Variants in DNHD1 observed in about 807,000 individuals in gnomAD.
DNHD1 encodes dynein heavy chain domain-containing protein 1.
Under a neutral mutation model 458.1 loss-of-function variants are expected in DNHD1, and 383 were observed. The observed-to-expected ratio is 0.84, with a 90% CI of 0.77 to 0.91. The LOEUF (loss-of-function observed/expected upper bound fraction) is 0.91. Ranked by LOEUF, DNHD1 falls within the 40% of genes least tolerant of loss-of-function variation. DNHD1 has a pLI of 0.00. For missense variants in DNHD1, 5,336 were observed against 5,866.1 expected (o/e 0.91, Z 2.95); for synonymous variants, 2,203 against 2,376.9 (o/e 0.93, Z 2.13).
At chr11:6,510,218 G>A (rs2134377412) in intron 6 of DNHD1, among the ~76,000 whole-genome samples, 1 of 151,952 alleles carries the variant, frequency 6.6e-6, no homozygotes, top group African/African-American at 2.4e-5. Context: ...TGAGTAGCTG[G>A]GATTACAGGC....
At chr11:6,516,041 C>T (rs2134387767) in intron 7 of DNHD1, among the ~76,000 whole-genome samples, 1 of 151,932 alleles carries the variant, frequency 6.6e-6, no homozygotes, top group Middle Eastern at 3.4e-3. Context: ...CCCACCTCGC[C>T]CTCCCAAAGT....
Position 6,548,232 on chromosome 11 carries a change from T to C in DNHD1, c.6928T>C (p.Phe2310Leu). The change falls in exon 23 of 43, where the codon TTC becomes CTC. Residue 2310 changes from phenylalanine (F) to leucine (L), a missense_variant. Physicochemically the swap from Phe to Leu is conservative, Grantham distance 22. Around this residue, in one of 4 missense-constraint regions of DNHD1, gnomAD observed 3,932 missense variants for 4,365.6 expected, o/e 0.90. Transcript: ENST00000254579. This position sits in a 1 kb window ranked among gnomAD's most constrained non-coding sequence, Gnocchi z 4.4. ...CAGGTTCTGGCCCATCTTTGATACC[T>C]TCATAAGGGATTCTATTAGTCGCCT... ...PSRFWPIFDT[F>L]IRDSISRLSN... 1 of 1,551,720 alleles carries C rather than the reference T, an allele frequency of 6.4e-7. No individual in the cohort carries two copies. The highest frequency in any genetic ancestry group is 8.7e-7 in the Non-Finnish European group (1 of 1,146,982).
At position 6,564,439 on chromosome 11, in the gene DNHD1, A is replaced by G; in HGVS notation, c.10391A>G (p.Asp3464Gly). Residue 3464 changes from aspartate (D) to glycine (G), a missense_variant, in exon 32 of 43, where the codon GAC (aspartate) becomes GGC (glycine). By Grantham distance (94) the Asp-to-Gly change is moderately conservative (BLOSUM62 -1). This residue lies in a region of DNHD1 where 3,932 missense variants were observed against 4,365.6 expected (regional missense o/e 0.90). Transcript: ENST00000254579. Reference sequence around the variant, plus strand: ...CCATTGCGGCGCCAAGAGCTACTGGACGAGTGGTTAGCTCTGTGTAGGGGC... The same window carrying G: ...CCATTGCGGCGCCAAGAGCTACTGGGCGAGTGGTTAGCTCTGTGTAGGGGC... Reference protein sequence around the residue: ...FPPLRRQELLDEWLALCRGFQ... With the variant: ...FPPLRRQELLGEWLALCRGFQ... The G allele has an allele frequency of 6.4e-7, 1 of 1,551,696 alleles. No homozygotes were observed. The highest frequency in any genetic ancestry group is 8.7e-7 in the Non-Finnish European group (1 of 1,146,974).
At chr11:6,507,578 A>G (rs970030473) in intron 4 of DNHD1, among the ~76,000 whole-genome samples, 1 of 152,160 alleles carries the variant, frequency 6.6e-6, no homozygotes, top group Non-Finnish European at 1.5e-5. Context: ...GAATGAGAAG[A>G]GTACTGTATA....
intron 12 of DNHD1, among the ~76,000 whole-genome samples, chr11:6,529,815 C>T (rs1398659992): frequency 2.0e-5 from 3 of 152,124 alleles, no homozygotes; most frequent in East Asian, 1.9e-4. Flanking sequence ...GGTAGAGCTG[C>T]GATGTGTTTT....
chr11:6,569,738 A>G (rs1853796121), intron 39 of DNHD1, among the ~76,000 whole-genome samples: 1 of 152,092 alleles, frequency 6.6e-6, no homozygotes, highest in Non-Finnish European at 1.5e-5. Context: ...TAGAGAATAA[A>G]TATGGGGTGA....
intron 3 of DNHD1, among the ~76,000 whole-genome samples, chr11:6,500,985 G>A (rs906748954): frequency 2.6e-5 from 4 of 151,802 alleles, no homozygotes; most frequent in African/African-American, 7.3e-5. Context: ...TGTAGTTAGG[G>A]GGAAAGCATG....
In DNHD1 at chr11:6,570,965, T is replaced by G; in HGVS notation, c.13453T>G (p.Leu4485Val). The change falls in exon 42 of 43, where the codon TTA becomes GTA. Residue 4485 changes from leucine (L) to valine (V), a missense_variant. Leu to Val is a conservative substitution (Grantham distance 32). Around this residue, in one of 4 missense-constraint regions of DNHD1, gnomAD observed 698 missense variants for 664.9 expected, o/e 1.05. Coordinates refer to ENST00000254579, the MANE Select transcript of DNHD1 (RefSeq NM_144666.3). ...PNARRPLEGV[L>V]ETEALELSQL... Reference sequence around the variant, plus strand: ...TGCACGGCGGCCTCTGGAGGGCGTCTTAGAGACCGAGGCTCTAGAACTGAG... The same window carrying G: ...TGCACGGCGGCCTCTGGAGGGCGTCGTAGAGACCGAGGCTCTAGAACTGAG... 2 of 1,607,384 alleles carry G rather than the reference T, an allele frequency of 1.2e-6. No homozygotes were observed. The highest frequency in any genetic ancestry group is 2.2e-5 in the South Asian group (2 of 90,852).
chr11:6,539,858 G>A lies in DNHD1; in HGVS notation c.3421-18G>A. On this transcript the variant is annotated intron_variant, in intron 17 of 42. Transcript: ENST00000254579. ...AAGCAGTTACCCAGTCCTGGTTCCTGAGACCCAGCTGTTCCAGGTCTGGCA... is the reference window on the plus strand; with the variant it reads ...AAGCAGTTACCCAGTCCTGGTTCCTAAGACCCAGCTGTTCCAGGTCTGGCA... 6.4e-7 allele frequency: 1 copy of A among 1,551,256 alleles called. No individual in the cohort carries two copies. Among genetic ancestry groups the A allele is most frequent in the Non-Finnish European group, 8.7e-7 (1 of 1,146,590 alleles).
intron 39 of DNHD1, 121 bp downstream of exon 39, chr11:6,568,987 G>A: frequency 8.5e-7 from 1 of 1,175,764 alleles, no homozygotes; most frequent in South Asian, 1.6e-5. Flanking sequence ...AGGGCAAGGG[G>A]AAGTCAAGGA....
chr11:6,553,210 A>C (rs574894938), intron 24 of DNHD1, among the ~76,000 whole-genome samples: 2 of 152,382 alleles, frequency 1.3e-5, no homozygotes, highest in South Asian at 4.1e-4. Context: ...CTAAACATTG[A>C]AAAATCAATC....
In DNHD1 at chr11:6,519,952, CT is replaced by C. The variant is rs762897900; in HGVS notation, c.1648-5del. The C allele has an allele frequency of 2.5e-6, 4 of 1,613,342 alleles. No homozygotes were observed. Among genetic ancestry groups the C allele is most frequent in the Admixed American group, 1.7e-5 (1 of 59,950 alleles). On this transcript the variant is annotated splice_polypyrimidine_tract_variant and intron_variant, in intron 8 of 42. Transcript: ENST00000254579. ...TCTAGCCCCTCGACCTTTCCTGACCCTTTTTTTTACAGGCCCCAAGGCAGAA... is the reference window on the plus strand; with the variant it reads ...TCTAGCCCCTCGACCTTTCCTGACCCTTTTTTTACAGGCCCCAAGGCAGAA...
At chr11:6,520,516 G>C in intron 10 of DNHD1, 1 of 1,397,268 alleles carries the variant, frequency 7.2e-7, no homozygotes, top group Non-Finnish European at 9.3e-7. Context: ...TGCAATGAGA[G>C]GGTGTATGAA....
chr11:6,562,856 C>A, intron 28 of DNHD1, 126 bp from the exon 29 acceptor site: 1 of 1,107,000 alleles, frequency 9.0e-7, no homozygotes, highest in Non-Finnish European at 1.3e-6. Context: ...CTGTGGCCTA[C>A]TTGGAGTTCA....
In DNHD1 at chr11:6,557,170, G is replaced by C. The variant is rs538757165; in HGVS notation, c.7875G>C (p.Arg2625=). 8 of 1,551,720 alleles carry C rather than the reference G, an allele frequency of 5.2e-6. 1 individual carries two copies. The African/African-American group carries it at 6.8e-5, about 13-fold the overall frequency. The change falls in exon 25 of 43, where the codon CGG becomes CGC. Residue 2625 remains arginine (R), a synonymous_variant. Transcript: ENST00000254579. ...DYPNHQEHLR[R]VSGLRGTCLT... ...CCAACCACCAGGAGCACTTGCGCCG[G>C]GTGTCAGGCCTGCGAGGCACTTGTC...
intron 10 of DNHD1, 35 bp from the exon 11 acceptor site, chr11:6,528,487 G>A: frequency 1.3e-6 from 2 of 1,530,070 alleles, no homozygotes; most frequent in Non-Finnish European, 1.8e-6. Flanking sequence ...GCTCTGGAGG[G>A]TACTCACGGA....
chr11:6,531,330 A>G (rs1391293256), intron 12 of DNHD1, among the ~76,000 whole-genome samples: 3 of 152,016 alleles, frequency 2.0e-5, no homozygotes, highest in Non-Finnish European at 2.9e-5. Context: ...ACTACATCCA[A>G]CCTGTCTCCA....
At position 6,502,873 on chromosome 11, in the gene DNHD1, C is replaced by T; in HGVS notation, c.867C>T (p.Tyr289=). The T allele has an allele frequency of 3.1e-6, 5 of 1,613,680 alleles. No homozygotes were observed. The highest frequency in any genetic ancestry group is 4.2e-6 in the Non-Finnish European group (5 of 1,179,836). The change falls in exon 4 of 43, where the codon TAC becomes TAT. Residue 289 remains tyrosine, a synonymous_variant. Coordinates refer to ENST00000254579, the MANE Select transcript of DNHD1 (RefSeq NM_144666.3). ...QVMTALKMER[Y]LKKIHFLYLN... The stretch of plus-strand genomic sequence containing the variant: ...TGACTGCTCTGAAGATGGAGAGATA[C>T]CTGAAGAAGATCCACTTCCTCTATC...
In DNHD1 at chr11:6,539,973, T is replaced by A. The variant is rs899766638; in HGVS notation, c.3518T>A (p.Ile1173Asn). Reference protein sequence around the residue: ...EARQLRLLNFILHVPYEPPAS... With the variant: ...EARQLRLLNFNLHVPYEPPAS... Reference sequence around the variant, plus strand: ...CGCCAGCTGCGCCTGCTCAACTTCATCCTGCATGTACCCTACGAGCCCCCA... The same window carrying A: ...CGCCAGCTGCGCCTGCTCAACTTCAACCTGCATGTACCCTACGAGCCCCCA... Residue 1173 changes from isoleucine (I) to asparagine (N), a missense_variant, in exon 18 of 43, where the codon ATC (isoleucine) becomes AAC (asparagine). Physicochemically the swap from Ile to Asn is moderately radical, Grantham distance 149. Transcript: ENST00000254579. 7.1e-6 allele frequency: 11 copies of A among 1,551,586 alleles called. No homozygotes were observed. In the African/African-American group the frequency reaches 1.2e-4, roughly 17 times the overall value.
Sources: allele counts gnomAD v4.1 joint callset (sites outside exome capture counted in the v4.1 genomes callset), GRCh38; gene constraint gnomAD v4.1.1; regional missense constraint gnomAD v4.1.1; non-coding constraint Gnocchi (gnomAD v3.1); transcripts MANE v1.5; gene names NCBI Gene and HGNC (gene_info 2026-07-23, HGNC 2026-07-21).